NKX2-1: variants seen among roughly 807,000 people sequenced by gnomAD.
NKX2-1 encodes NK2 homeobox 1, also known as homeobox protein Nkx-2.1.
NKX2-1 carries 9 observed loss-of-function variants against 35.1 expected under a neutral mutation model. The ratio of observed to expected loss-of-function variants is 0.26; its 90% confidence interval spans 0.15 to 0.45. The LOEUF is 0.45. Ranked by LOEUF, NKX2-1 falls within the 20% of genes least tolerant of loss-of-function variation. NKX2-1 has a pLI of 1.00. For missense variants in NKX2-1, 509 were observed against 589.1 expected (o/e 0.86, Z 1.41); for synonymous variants, 284 against 269.9 (o/e 1.05, Z -0.51).
In NKX2-1 at chr14:36,520,228, T is replaced by G; in HGVS notation, c.-99A>C. On this transcript the variant is annotated 5_prime_UTR_variant, in exon 1 of 3. Coordinates refer to ENST00000354822, the MANE Select transcript of NKX2-1 (RefSeq NM_001079668.3). ...CTGTTGGTCTACGTGTCTGTCAGTC[T>G]GTCTGCCTCTCTTCTGCCGCCGTCA... The G allele has an allele frequency of 1.9e-6, 3 of 1,551,952 alleles. No homozygotes were observed. Among genetic ancestry groups the G allele is most frequent in the African/African-American group, 1.4e-5 (1 of 73,576 alleles).
chr14:36,517,890 G>A lies in NKX2-1; in HGVS notation c.594C>T (p.Phe198=). 6.2e-7 allele frequency: 1 copy of A among 1,611,328 alleles called. No individual in the cohort carries two copies. The highest frequency in any genetic ancestry group is 8.5e-7 in the Non-Finnish European group (1 of 1,179,456). ...CCAGCTCGTACACCTGCGCCTGCGAGAAGAGCACCCGGCGCTTCCTGCGCG... is the reference window on the plus strand; with the variant it reads ...CCAGCTCGTACACCTGCGCCTGCGAAAAGAGCACCCGGCGCTTCCTGCGCG... ...SAPRRKRRVL[F]SQAQVYELER... Residue 198 remains phenylalanine (F), a synonymous_variant, in exon 3 of 3, where the codon TTC becomes TTT. Coordinates refer to ENST00000354822, the MANE Select transcript of NKX2-1 (RefSeq NM_001079668.3).
At position 36,517,639 on chromosome 14, in the gene NKX2-1, T is replaced by G. The variant is rs1230228980; in HGVS notation, c.845A>C (p.Gln282Pro). 6.5e-7 allele frequency: 1 copy of G among 1,543,178 alleles called. No homozygotes were observed. Among genetic ancestry groups the G allele is most frequent in the South Asian group, 1.2e-5 (1 of 83,902 alleles). The change falls in exon 3 of 3, where the codon CAG becomes CCG. Residue 282 changes from glutamine (Q) to proline (P), a missense_variant. Physicochemically the swap from Gln to Pro is moderately conservative, Grantham distance 76. Transcript: ENST00000354822. ...CACCGCCACGCGTCGCGGCGACTGC[T>G]GCTGAGCCTGTTGCTGCTGCGGGCA... ...TGCPQQQQAQQQSPRRVAVPV... is the reference protein window; with the variant it reads ...TGCPQQQQAQPQSPRRVAVPV...
At chr14:36,518,595 G>A (rs925055449) in intron 2 of NKX2-1, among the ~76,000 whole-genome samples, 3 of 152,174 alleles carry the variant, frequency 2.0e-5, no homozygotes, top group African/African-American at 7.2e-5. Flanking sequence ...CGGGCCGGGC[G>A]CTCGAGTGCC....
rs2139405305 is a variant in NKX2-1 at position 36,517,317 on chromosome 14, G to A, written c.1167C>T (p.Thr389=). The A allele has an allele frequency of 6.2e-7, 1 of 1,611,806 alleles. No individual in the cohort carries two copies. The highest frequency in any genetic ancestry group is 2.2e-5 in the East Asian group (1 of 44,824). Residue 389 remains threonine, a synonymous_variant, in exon 3 of 3, where the codon ACC becomes ACT. Transcript: ENST00000354822. ...CGTATAGCAAGGTGGAGCAGGACATGGTGCCGTAGTCCGAGCCCGAGGAGT... is the reference window on the plus strand; with the variant it reads ...CGTATAGCAAGGTGGAGCAGGACATAGTGCCGTAGTCCGAGCCCGAGGAGT... ...HLNSSGSDYG[T]MSCSTLLYGR...
rs1555349072 is a variant in NKX2-1, at chr14:36,517,091, A to AG, written c.*186dup. The AG allele has an allele frequency of 1.5e-4, 152 of 1,026,606 alleles. 2 individuals carry two copies. The highest frequency in any genetic ancestry group is 8.7e-5 in the South Asian group (4 of 45,940). The allele number at this position is 1,026,606 out of a possible 1,614,324, so 63.6% of individuals were successfully genotyped here. A position where few individuals can be genotyped will look rare whatever the true frequency, so the allele number is the denominator to read the frequency against. On this transcript the variant is annotated 3_prime_UTR_variant, in exon 3 of 3. Transcript: ENST00000354822. ...TTAAAAAAAAAAACCCACAAATTTT[A>AG]GGGGGGGAAAAAAAGAAAGACGTCC...
rs776161318 is a variant in NKX2-1 at position 36,519,135 on chromosome 14, C to T, written c.313G>A (p.Val105Met). ...ACGGCGGAGTGCGAGAGCTGGGGCA[C>T]CCCCGCCGCCGTCATGTGGTAGGCG... ...TAAYHMTAAGVPQLSHSAVGG... is the reference protein window; with the variant it reads ...TAAYHMTAAGMPQLSHSAVGG... Residue 105 changes from valine (V) to methionine (M), a missense_variant, in exon 2 of 3, where the codon GTG becomes ATG. Transcript: ENST00000354822. 49 of 1,606,298 alleles carry T rather than the reference C, an allele frequency of 3.1e-5. No individual in the cohort carries two copies. Among genetic ancestry groups the T allele is most frequent in the Non-Finnish European group, 5.9e-6 (7 of 1,178,696 alleles).
In NKX2-1 at chr14:36,517,086, A is replaced by G; in HGVS notation, c.*192T>C. ...TTTTTTTAAAAAAAAAAACCCACAA[A>G]TTTTAGGGGGGGAAAAAAAGAAAGA... On this transcript the variant is annotated 3_prime_UTR_variant, in exon 3 of 3. Coordinates refer to ENST00000354822, the MANE Select transcript of NKX2-1 (RefSeq NM_001079668.3). 1 of 1,064,270 alleles carries G rather than the reference A, an allele frequency of 9.4e-7. No homozygotes were observed. Among genetic ancestry groups the G allele is most frequent in the Non-Finnish European group, 1.3e-6 (1 of 791,844 alleles). 65.9% of individuals were successfully genotyped at this position (1,064,270 alleles called of 1,614,324 possible). A position where few individuals can be genotyped will look rare whatever the true frequency, so the allele number is the denominator to read the frequency against.
chr14:36,520,115 G>A lies in NKX2-1; in HGVS notation c.15C>T (p.Gly5=), dbSNP rs2139414859. Residue 5 remains glycine, a synonymous_variant, in exon 1 of 3, where the codon GGC becomes GGT. Transcript: ENST00000354822. MWSG[G]SGKARGWEAA... The stretch of plus-strand genomic sequence containing the variant: ...CCTCCCAGCCCCGCGCCTTCCCACT[G>A]CCTCCGGACCACATCGGGCTTCGCT... 1 of 1,613,120 alleles carries A rather than the reference G, an allele frequency of 6.2e-7. No individual in the cohort carries two copies. Among genetic ancestry groups the A allele is most frequent in the Non-Finnish European group, 8.5e-7 (1 of 1,179,892 alleles).
chr14:36,518,800 T>G (rs903570283), intron 2 of NKX2-1, among the ~76,000 whole-genome samples, 185 bp downstream of exon 2: 2 of 152,126 alleles, frequency 1.3e-5, no homozygotes, highest in African/African-American at 4.8e-5. Flanking sequence ...CAAGTGCCTG[T>G]TCTTGGACCC....
intron 2 of NKX2-1, among the ~76,000 whole-genome samples, chr14:36,518,675 G>A (rs371713258): frequency 1.3e-5 from 2 of 152,178 alleles, no homozygotes; most frequent in East Asian, 3.9e-4. Context: ...TGCTCCTTGA[G>A]CTCGGGGTCG....
intron 2 of NKX2-1, 137 bp downstream of exon 2, chr14:36,518,848 C>T: frequency 8.4e-7 from 1 of 1,184,344 alleles, no homozygotes; most frequent in Non-Finnish European, 1.1e-6. Context: ...GCTCCCGCAC[C>T]CAAGTCCCTG....
chr14:36,518,451 G>C (rs1881162337), intron 2 of NKX2-1, among the ~76,000 whole-genome samples: 1 of 152,152 alleles, frequency 6.6e-6, no homozygotes, highest in African/African-American at 2.4e-5. Flanking sequence ...ACTTCCAAAA[G>C]CTGGAGCCCC....
Position 36,517,515 on chromosome 14 carries a change from C to A in NKX2-1, c.969G>T (p.Gln323His). 1 of 1,375,914 alleles carries A rather than the reference C, an allele frequency of 7.3e-7. No individual in the cohort carries two copies. Among genetic ancestry groups the A allele is most frequent in the Non-Finnish European group, 9.3e-7 (1 of 1,072,154 alleles). 85.2% of individuals were successfully genotyped at this position (1,375,914 alleles called of 1,614,324 possible). ...CTGCCGCCGCCTGCGCGGCCTGCGC[C>A]TGGTGCTGCGCCTGCTGCTGCGCGT... is the stretch of plus-strand genomic sequence containing the variant. ...QGHAQQQAQH[Q>H]AQAAQAAAAA... Residue 323 changes from glutamine (Q) to histidine (H), a missense_variant, in exon 3 of 3, where the codon CAG becomes CAT. By Grantham distance (24) the Gln-to-His change is conservative. Coordinates refer to ENST00000354822, the MANE Select transcript of NKX2-1 (RefSeq NM_001079668.3).
At chr14:36,519,666 A>C in intron 1 of NKX2-1, 1 of 1,521,330 alleles carries the variant, frequency 6.6e-7, no homozygotes, top group Non-Finnish European at 8.8e-7. Flanking sequence ...ATTAGCTTAC[A>C]TGCTGATGAC....
intron 1 of NKX2-1, chr14:36,519,724 A>C: frequency 2.2e-6 from 2 of 898,880 alleles, no homozygotes; most frequent in Non-Finnish European, 2.9e-6. Context: ...TAGGTCTCAA[A>C]GAGAGAGAGA....
Position 36,517,119 on chromosome 14 carries a change from C to G in NKX2-1, c.*159G>C. The G allele has an allele frequency of 7.9e-7, 1 of 1,258,048 alleles. No individual in the cohort carries two copies. Among genetic ancestry groups the G allele is most frequent in the Non-Finnish European group, 1.0e-6 (1 of 957,872 alleles). 77.9% of individuals were successfully genotyped at this position (1,258,048 alleles called of 1,614,324 possible). ...GGGGGAAAAAAAGAAAGACGTCCAG[C>G]AGTTTGGCCTTTGTGGTTTTTTTGT... On this transcript the variant is annotated 3_prime_UTR_variant, in exon 3 of 3. Transcript: ENST00000354822.
Position 36,520,189 on chromosome 14 carries a change from AC to A in NKX2-1, c.-61del. 1 of 1,597,340 alleles carries A rather than the reference AC, an allele frequency of 6.3e-7. No homozygotes were observed. Among genetic ancestry groups the A allele is most frequent in the Non-Finnish European group, 8.5e-7 (1 of 1,173,904 alleles). On this transcript the variant is annotated 5_prime_UTR_variant, in exon 1 of 3. Coordinates refer to ENST00000354822, the MANE Select transcript of NKX2-1 (RefSeq NM_001079668.3). ...AATGAGCGAGCGAGTCTGGGGACGA[AC>A]CCTGGGGCCGCACTGTTGGTCTACG...
In NKX2-1 at chr14:36,517,833, C is replaced by A; in HGVS notation, c.651G>T (p.Ser217=). Residue 217 remains serine, a synonymous_variant, in exon 3 of 3, where the codon TCG becomes TCT. Coordinates refer to ENST00000354822, the MANE Select transcript of NKX2-1 (RefSeq NM_001079668.3). ...ERRFKQQKYL[S]APEREHLASM... ...TGGCCAGGTGCTCGCGCTCCGGCGC[C>A]GACAGGTACTTCTGTTGCTTGAAGC... The A allele has an allele frequency of 6.2e-7, 1 of 1,612,378 alleles. No individual in the cohort carries two copies. Among genetic ancestry groups the A allele is most frequent in the African/African-American group, 1.3e-5 (1 of 75,022 alleles).
At position 36,517,032 on chromosome 14, in the gene NKX2-1, T is replaced by G; in HGVS notation, c.*246A>C. The G allele has an allele frequency of 4.9e-5, 34 of 694,154 alleles. No individual in the cohort carries two copies. The highest frequency in any genetic ancestry group is 4.2e-4 in the Middle Eastern group (1 of 2,354). The allele number at this position is 694,154 out of a possible 1,614,324, so 43.0% of individuals were successfully genotyped here. ...TTCTCTGCTTAAAGATTCCTTGAGA[T>G]TGGATGCGCTTGGTTGTTTTTCATT... On this transcript the variant is annotated 3_prime_UTR_variant, in exon 3 of 3. Coordinates refer to ENST00000354822, the MANE Select transcript of NKX2-1 (RefSeq NM_001079668.3).
Sources: allele counts gnomAD v4.1 joint callset (sites outside exome capture counted in the v4.1 genomes callset), GRCh38; gene constraint gnomAD v4.1.1; transcripts MANE v1.5; gene names NCBI Gene and HGNC (gene_info 2026-07-23, HGNC 2026-07-21).